The following ETF1 variants were observed in gnomAD, a reference collection of about 807,000 sequenced individuals.
ETF1 encodes the protein eukaryotic peptide chain release factor subunit 1.
A neutral mutation model predicts 55.1 loss-of-function variants in ETF1; 4 were observed. The observed-to-expected ratio is 0.07, with a 90% confidence interval of 0.04 to 0.17. The LOEUF is 0.17. ETF1 is among the 10% of genes least tolerant of loss of function. The pLI, the probability that ETF1 is intolerant of heterozygous loss-of-function variation, is 1.00. For missense variants in ETF1, 142 were observed against 523.6 expected, an observed-to-expected ratio of 0.27 and a Z score of 7.11; for synonymous variants, 157 against 182.3, an observed-to-expected ratio of 0.86 and a Z score of 1.12.
In ETF1 at chr5:138,534,385, C is replaced by G. The variant is rs111489902; in HGVS notation, c.86+8448G>C. 6.3e-3 allele frequency among the ~76,000 whole-genome samples: 955 copies of G among 152,330 alleles called. 8 individuals carry two copies. The highest frequency in any genetic ancestry group is 0.036 in the South Asian group (175 of 4,828). On this transcript the variant is annotated intron_variant, in intron 2 of 10. Transcript: ENST00000360541. The stretch of plus-strand genomic sequence containing the variant: ...AAGCAGCTTTGAAGCTGGAAAATTT[C>G]TCTAGTGTTCTTACAACAGTGCAAA...
rs1764577062 is a variant in ETF1, at chr5:138,506,811, G to T, written c.*1494C>A. On this transcript the variant is annotated 3_prime_UTR_variant, in exon 11 of 11. Transcript: ENST00000360541. Reference sequence around the variant, plus strand: ...CAAGGAGCTGGTTCAGACCAATAAAGCTACGAGTGACTGAATCAAGTCAGT... The same window carrying T: ...CAAGGAGCTGGTTCAGACCAATAAATCTACGAGTGACTGAATCAAGTCAGT... 1 of 152,648 alleles carries T rather than the reference G, an allele frequency of 6.6e-6. No homozygotes were observed. The highest frequency in any genetic ancestry group is 1.5e-5 in the Non-Finnish European group (1 of 68,040). 9.5% of individuals were successfully genotyped at this position (152,648 alleles called of 1,614,324 possible). A position where few individuals can be genotyped will look rare whatever the true frequency, so the allele number is the denominator to read the frequency against.
At chr5:138,522,473 A>G (rs944921080) in intron 2 of ETF1, among the ~76,000 whole-genome samples, 2 of 152,140 alleles carry the variant, frequency 1.3e-5, no homozygotes, top group African/African-American at 4.8e-5. Flanking sequence ...CAGAGTTACC[A>G]TATGACCCAA....
chr5:138,508,413 T>C, intron 10 of ETF1, 26 bp from the exon 11 acceptor site: 1 of 1,612,500 alleles, frequency 6.2e-7, no homozygotes, highest in Non-Finnish European at 8.5e-7. Context: ...AAAAGGTAAA[T>C]TACCTGTGTT....
chr5:138,532,737 A>G (rs1483275743), intron 2 of ETF1, among the ~76,000 whole-genome samples: 1 of 152,202 alleles, frequency 6.6e-6, no homozygotes, highest in East Asian at 1.9e-4. Context: ...CAAAAATAAT[A>G]TGGCCAGAAC....
rs544160817 is a variant in ETF1 at position 138,508,154 on chromosome 5, C to T, written c.*151G>A. ...TGTAGGGCTGGGTCTGGTTTTGTTT[C>T]GGTTTTCTTTTCAATATCCAATGCT... is the stretch of plus-strand genomic sequence containing the variant. On this transcript the variant is annotated 3_prime_UTR_variant, in exon 11 of 11. Transcript: ENST00000360541. 64 of 1,000,522 alleles carry T rather than the reference C, an allele frequency of 6.4e-5. No individual in the cohort carries two copies. The highest frequency in any genetic ancestry group is 1.3e-4 in the Admixed American group (4 of 31,048). The allele number at this position is 1,000,522 out of a possible 1,614,324, so 62.0% of individuals were successfully genotyped here. A position where few individuals can be genotyped will look rare whatever the true frequency, so the allele number is the denominator to read the frequency against.
Position 138,524,827 on chromosome 5 carries a change from T to C in ETF1, c.87-5960A>G, listed in dbSNP as rs571186407. 2.7e-4 allele frequency among the ~76,000 whole-genome samples: 41 copies of C among 151,958 alleles called. No homozygotes were observed. The East Asian group carries it at 5.5e-3, about 20-fold the overall frequency. ...TCCTGACTTCATGATCCGCCCGCCT[T>C]GGCCTCCCAAAGTGCTGGGATTACA... On this transcript the variant is annotated intron_variant, in intron 2 of 10. Transcript: ENST00000360541.
chr5:138,536,582 C>A (rs1765941945), intron 2 of ETF1, among the ~76,000 whole-genome samples: 1 of 152,162 alleles, frequency 6.6e-6, no homozygotes, highest in South Asian at 2.1e-4. Flanking sequence ...TTAAAAGACA[C>A]CTACAGAATG....
chr5:138,535,749 T>C (rs1335693632), intron 2 of ETF1, among the ~76,000 whole-genome samples: 1 of 147,324 alleles, frequency 6.8e-6, no homozygotes, highest in Non-Finnish European at 1.5e-5. Context: ...TTAGCCAGGC[T>C]TGGTGGGACA....
At chr5:138,518,323 G>A (rs903851414) in intron 3 of ETF1, among the ~76,000 whole-genome samples, 2 of 151,762 alleles carry the variant, frequency 1.3e-5, no homozygotes, top group Non-Finnish European at 2.9e-5. Flanking sequence ...TGATTCTCTC[G>A]CCTCAGCCTC....
chr5:138,531,799 C>A (rs1305600962), intron 2 of ETF1, among the ~76,000 whole-genome samples: 2 of 152,194 alleles, frequency 1.3e-5, no homozygotes, highest in Non-Finnish European at 2.9e-5. Context: ...GTAATCCCAG[C>A]ACTTTGGGAG....
At chr5:138,521,786 T>A (rs1765242994) in intron 2 of ETF1, among the ~76,000 whole-genome samples, 1 of 152,224 alleles carries the variant, frequency 6.6e-6, no homozygotes, top group African/African-American at 2.4e-5. Context: ...TGCCTCAGCC[T>A]CCCAAAGTGC....
chr5:138,511,724 G>T (rs1291299161), intron 6 of ETF1, 120 bp from the exon 7 acceptor site: 1 of 1,398,492 alleles, frequency 7.2e-7, no homozygotes, highest in African/African-American at 1.5e-5. Context: ...TATGATCACT[G>T]AAGTCTAAAT....
intron 2 of ETF1, among the ~76,000 whole-genome samples, chr5:138,524,035 G>C (rs1386495058): frequency 1.1e-4 from 16 of 152,070 alleles, no homozygotes; most frequent in Non-Finnish European, 1.2e-4. Flanking sequence ...AAAGTTGCTG[G>C]GTGTGCTAGG....
chr5:138,508,389 TG>T lies in ETF1; in HGVS notation c.1232-3del. On this transcript the variant is annotated splice_region_variant and splice_polypyrimidine_tract_variant and intron_variant, in intron 10 of 10. Transcript: ENST00000360541. ...AATCTACTCGGTACCGCAAGATACC[TG>T]GGGAAACAAACCAAAAGGTAAATTA... 6.2e-7 allele frequency: 1 copy of T among 1,613,780 alleles called. No homozygotes were observed. Among genetic ancestry groups the T allele is most frequent in the Non-Finnish European group, 8.5e-7 (1 of 1,179,892 alleles).
chr5:138,509,768 G>A (rs964397693), intron 9 of ETF1, among the ~76,000 whole-genome samples: 3 of 151,798 alleles, frequency 2.0e-5, no homozygotes, highest in Admixed American at 1.3e-4. Flanking sequence ...GGTGGCGGGC[G>A]CCTGTAGTCC....
intron 2 of ETF1, among the ~76,000 whole-genome samples, chr5:138,521,849 G>A (rs1012588813): frequency 2.6e-5 from 4 of 152,114 alleles, no homozygotes; most frequent in African/African-American, 9.7e-5. Context: ...AAATTTTTTA[G>A]AGCATGCACT....
rs973656698 is a variant in ETF1, at chr5:138,508,175, A to G, written c.*130T>C. On this transcript the variant is annotated 3_prime_UTR_variant, in exon 11 of 11. Coordinates refer to ENST00000360541, the MANE Select transcript of ETF1 (RefSeq NM_004730.4). ...GTTTCGGTTTTCTTTTCAATATCCA[A>G]TGCTCATGGATTAAGTTCTGGAAAT... is the stretch of plus-strand genomic sequence containing the variant. 64 of 1,160,730 alleles carry G rather than the reference A, an allele frequency of 5.5e-5. No homozygotes were observed. Among genetic ancestry groups the G allele is most frequent in the Non-Finnish European group, 6.9e-5 (58 of 839,958 alleles). The allele number at this position is 1,160,730 out of a possible 1,614,324, so 71.9% of individuals were successfully genotyped here. A position where few individuals can be genotyped will look rare whatever the true frequency, so the allele number is the denominator to read the frequency against.
intron 2 of ETF1, chr5:138,519,371 C>T (rs1765142252): frequency 5.1e-6 from 1 of 197,388 alleles, no homozygotes; most frequent in Non-Finnish European, 9.1e-6. Context: ...GTTATGAAAT[C>T]TCTCTCTCTC....
At chr5:138,513,033 A>T in intron 5 of ETF1, 79 bp from the exon 6 acceptor site, 1 of 1,429,442 alleles carries the variant, frequency 7.0e-7, no homozygotes, top group Middle Eastern at 1.8e-4. Flanking sequence ...TAAAATAATC[A>T]TGTCATCATC....
Sources: gnomAD v4.1 joint callset for allele counts (sites outside exome capture counted in the v4.1 genomes callset) on GRCh38, gnomAD v4.1.1 for gene constraint, MANE v1.5 for transcripts, NCBI Gene and HGNC (gene_info 2026-07-23, HGNC 2026-07-21) for gene names.